The following MERTK variants were observed in gnomAD, a reference collection of about 807,000 sequenced individuals.
MERTK encodes MER proto-oncogene, tyrosine kinase, also known as tyrosine-protein kinase Mer.
Under a neutral mutation model 99.3 loss-of-function variants are expected in MERTK, and 69 were observed. The observed-to-expected ratio is 0.70, with a 90% CI of 0.57 to 0.85. MERTK has a LOEUF of 0.85. Ranked by LOEUF, MERTK falls within the 40% of genes least tolerant of loss-of-function variation. MERTK has a pLI of 0.00. For synonymous variants in MERTK, 426 were observed against 467.6 expected (o/e 0.91, Z 1.15); for missense variants, 1,125 against 1,249.4 (o/e 0.90, Z 1.50).
intron 1 of MERTK, 37 bp downstream of exon 1, chr2:111,898,833 G>A: frequency 6.4e-7 from 1 of 1,558,822 alleles, no homozygotes. Flanking sequence ...CGAGGGGGTG[G>A]GGGCTCCCAG....
intron 8 of MERTK, among the ~76,000 whole-genome samples, chr2:111,990,527 TCA>T (rs1676595793): frequency 6.6e-6 from 1 of 152,184 alleles, no homozygotes; most frequent in Non-Finnish European, 1.5e-5. Context: ...ATTTGTTAAC[TCA>T]CTTAGGAGAA....
chr2:111,962,650 C>T (rs1477190805), intron 4 of MERTK, among the ~76,000 whole-genome samples: 1 of 152,150 alleles, frequency 6.6e-6, no homozygotes, highest in Non-Finnish European at 1.5e-5. Flanking sequence ...AATTGATGAA[C>T]CAATACGGAT....
At chr2:111,925,300 T>A (rs1244557062) in intron 1 of MERTK, among the ~76,000 whole-genome samples, 69 of 61,692 alleles carry the variant, frequency 1.1e-3, no homozygotes, top group African/African-American at 2.0e-3. Flanking sequence ...ATATTTTTTT[T>A]TTTTTTTTTT....
At chr2:112,001,981 T>A (rs1024192323) in intron 11 of MERTK, among the ~76,000 whole-genome samples, 1 of 152,138 alleles carries the variant, frequency 6.6e-6, no homozygotes, top group Non-Finnish European at 1.5e-5. Flanking sequence ...ATTTAAAATT[T>A]TAAAATTTGT....
intron 4 of MERTK, 150 bp from the exon 5 acceptor site, chr2:111,965,041 C>A: frequency 1.4e-6 from 1 of 738,488 alleles, no homozygotes; most frequent in Non-Finnish European, 2.2e-6. Context: ...GTTTGTTTCT[C>A]CATAGCTAGC....
At chr2:112,002,349 G>A in intron 11 of MERTK, among the ~76,000 whole-genome samples, 1 of 152,074 alleles carries the variant, frequency 6.6e-6, no homozygotes, top group East Asian at 1.9e-4. Flanking sequence ...GTTTCCTGTG[G>A]TTTGTGAGAC....
At chr2:111,949,174 A>G (rs986728743) in intron 4 of MERTK, among the ~76,000 whole-genome samples, 1 of 151,864 alleles carries the variant, frequency 6.6e-6, no homozygotes, top group African/African-American at 2.4e-5. Context: ...CCTCAATCCC[A>G]TATTCCTGTG....
chr2:111,938,010 G>A (rs1024846144), intron 2 of MERTK, among the ~76,000 whole-genome samples: 25 of 152,050 alleles, frequency 1.6e-4, no homozygotes, highest in Admixed American at 5.9e-4. Flanking sequence ...ATCAGCACAC[G>A]TTGCACATCC....
At chr2:111,999,816 G>A (rs1676830262) in intron 10 of MERTK, among the ~76,000 whole-genome samples, 1 of 152,164 alleles carries the variant, frequency 6.6e-6, no homozygotes, top group Admixed American at 6.5e-5. Flanking sequence ...AGCAAAGGAT[G>A]GTGGAATTAT....
intron 15 of MERTK, among the ~76,000 whole-genome samples, chr2:112,012,685 C>T (rs905361353): frequency 1.3e-5 from 2 of 152,146 alleles, no homozygotes; most frequent in African/African-American, 4.8e-5. Context: ...TAGAGAGAAG[C>T]GGAACCTCAG....
At chr2:111,910,397 G>C (rs914725697) in intron 1 of MERTK, among the ~76,000 whole-genome samples, 2 of 152,100 alleles carry the variant, frequency 1.3e-5, no homozygotes, top group African/African-American at 4.8e-5. Context: ...GGCACCCCGA[G>C]TAGCTGGGAT....
intron 7 of MERTK, among the ~76,000 whole-genome samples, chr2:111,976,792 T>C (rs1676262452): frequency 1.3e-5 from 2 of 151,742 alleles, no homozygotes; most frequent in South Asian, 2.1e-4. Context: ...TGTTTAATAT[T>C]TTTATGATTC....
chr2:111,950,582 G>A (rs1304873769), intron 4 of MERTK, among the ~76,000 whole-genome samples: 1 of 152,186 alleles, frequency 6.6e-6, no homozygotes, highest in Non-Finnish European at 1.5e-5. Flanking sequence ...GTCTTCTTAA[G>A]TGTAGACATT....
Position 111,944,996 on chromosome 2 carries a change from T to C in MERTK, c.519T>C (p.Tyr173=), listed in dbSNP as rs1684938599. Residue 173 remains tyrosine, a synonymous_variant, in exon 3 of 19, where the codon TAT becomes TAC. Transcript: ENST00000295408. ...TSVQRSDNGS[Y]ICKMKINNEE... ...TGCAGCGTTCAGACAATGGGTCGTA[T>C]ATCTGTAAGATGAAAATAAACAATG... 6.2e-7 allele frequency: 1 copy of C among 1,613,888 alleles called. No individual in the cohort carries two copies. The highest frequency in any genetic ancestry group is 1.3e-5 in the African/African-American group (1 of 75,066).
chr2:111,970,723 G>C, intron 6 of MERTK, among the ~76,000 whole-genome samples: 23 of 66,204 alleles, frequency 3.5e-4, no homozygotes, highest in African/African-American at 7.0e-4. Flanking sequence ...CTCCTCCCTT[G>C]TCCTTCCTCC....
chr2:111,947,404 C>T lies in MERTK; in HGVS notation c.594C>T (p.His198=), dbSNP rs774444027. The T allele has an allele frequency of 1.9e-6, 3 of 1,613,940 alleles. No individual in the cohort carries two copies. In the African/African-American group the frequency reaches 4.0e-5, roughly 22 times the overall value. The change falls in exon 4 of 19, where the codon CAC becomes CAT. Residue 198 remains histidine, a synonymous_variant. Coordinates refer to ENST00000295408, the MANE Select transcript of MERTK (RefSeq NM_006343.3). ...PIYIEVQGLP[H]FTKQPESMNV... Reference sequence around the variant, plus strand: ...ACGTTTTCTCCGCAGGACTTCCTCACTTTACTAAGCAGCCTGAGAGCATGA... The same window carrying T: ...ACGTTTTCTCCGCAGGACTTCCTCATTTTACTAAGCAGCCTGAGAGCATGA...
intron 8 of MERTK, among the ~76,000 whole-genome samples, chr2:111,992,446 G>A (rs1004277305): frequency 6.6e-6 from 1 of 151,964 alleles, no homozygotes; most frequent in Admixed American, 6.6e-5. Flanking sequence ...TGTATCTTCT[G>A]CAATATCCTT....
At chr2:111,952,205 G>T (rs990433043) in intron 4 of MERTK, 6 of 155,616 alleles carry the variant, frequency 3.9e-5, no homozygotes, top group Non-Finnish European at 7.2e-5. Flanking sequence ...TTTTTCCAGG[G>T]TGTTACGTGA....
intron 2 of MERTK, among the ~76,000 whole-genome samples, chr2:111,935,958 C>G (rs1684758491): frequency 1.3e-5 from 2 of 151,558 alleles, no homozygotes; most frequent in Non-Finnish European, 2.9e-5. Context: ...GCTCTGTCAC[C>G]CAGGCTGGAG....
Sources: gnomAD v4.1 joint callset for allele counts (sites outside exome capture counted in the v4.1 genomes callset) on GRCh38, gnomAD v4.1.1 for gene constraint, MANE v1.5 for transcripts, NCBI Gene and HGNC (gene_info 2026-07-23, HGNC 2026-07-21) for gene names.